MDGA2: variants seen among roughly 807,000 people sequenced by gnomAD.
The protein encoded by MDGA2 is MAM domain containing glycosylphosphatidylinositol anchor 2.
In MDGA2, 40 loss-of-function variants were observed where a neutral mutation model predicts 117.8. The ratio of observed to expected loss-of-function variants is 0.34; its 90% CI spans 0.26 to 0.44. MDGA2 has a LOEUF of 0.44. Ranked by LOEUF, MDGA2 falls within the 20% of genes least tolerant of loss-of-function variation. The pLI is 1.00. For synonymous variants in MDGA2, 452 were observed against 439.0 expected (o/e 1.03, Z -0.37); for missense variants, 1,123 against 1,250.6 (o/e 0.90, Z 1.54).
intron 3 of MDGA2, among the ~76,000 whole-genome samples, chr14:47,205,049 A>G (rs1885632999): frequency 1.3e-5 from 2 of 151,904 alleles, no homozygotes; most frequent in Admixed American, 1.3e-4. Flanking sequence ...CAAATGACAA[A>G]TGATATATAC....
At chr14:47,220,223 CTG>C (rs1886249209) in intron 2 of MDGA2, among the ~76,000 whole-genome samples, 1 of 152,118 alleles carries the variant, frequency 6.6e-6, no homozygotes, top group African/African-American at 2.4e-5. Flanking sequence ...ACATGCCTAA[CTG>C]ATGAGAAAAG....
intron 1 of MDGA2, among the ~76,000 whole-genome samples, chr14:47,554,004 C>T (rs1035056388): frequency 4.6e-5 from 7 of 152,124 alleles, no homozygotes; most frequent in African/African-American, 1.2e-4. Flanking sequence ...CTCCTTTCCC[C>T]GTCCACCCCC....
In MDGA2 at chr14:47,263,896, C is replaced by T. The variant is rs528138350; in HGVS notation, c.420+37515G>A. ...CAATTGAACTCTAAGTTCAAAAACTCCAACAAGCACCAACCAACCTGTGAC... is the reference window on the plus strand; with the variant it reads ...CAATTGAACTCTAAGTTCAAAAACTTCAACAAGCACCAACCAACCTGTGAC... On this transcript the variant is annotated intron_variant, in intron 2 of 16. Coordinates refer to ENST00000399232, the MANE Select transcript of MDGA2 (RefSeq NM_001113498.3). 2.2e-4 allele frequency among the ~76,000 whole-genome samples: 33 copies of T among 152,232 alleles called. No homozygotes were observed. In the South Asian group the frequency reaches 6.4e-3, roughly 30 times the overall value.
At chr14:46,908,099 G>T (rs1489156943) in intron 10 of MDGA2, among the ~76,000 whole-genome samples, 1 of 152,106 alleles carries the variant, frequency 6.6e-6, no homozygotes, top group Non-Finnish European at 1.5e-5. Context: ...AAACCAAAAT[G>T]ATCCTTAAAA....
intron 2 of MDGA2, among the ~76,000 whole-genome samples, chr14:47,245,781 T>C (rs1887216932): frequency 6.6e-6 from 1 of 151,816 alleles, no homozygotes; most frequent in African/African-American, 2.4e-5. Flanking sequence ...CATTACCTAG[T>C]TGGAAATTCA....
intron 6 of MDGA2, among the ~76,000 whole-genome samples, chr14:47,068,832 G>A (rs28377235): frequency 0.12 from 17,523 of 152,052 alleles, 1,306 homozygotes; most frequent in African/African-American, 0.22. Flanking sequence ...AAAATTAGAT[G>A]AGATAATGAG....
intron 1 of MDGA2, among the ~76,000 whole-genome samples, chr14:47,446,464 C>G (rs1432406119): frequency 7.3e-6 from 1 of 136,270 alleles, no homozygotes; most frequent in Non-Finnish European, 1.6e-5. Flanking sequence ...TAGGTTTCCC[C>G]TTCCTTTAGG....
chr14:47,619,998 G>A (rs1328865353), intron 1 of MDGA2, among the ~76,000 whole-genome samples: 2 of 152,168 alleles, frequency 1.3e-5, no homozygotes, highest in Non-Finnish European at 2.9e-5. Context: ...GGCCACCAAA[G>A]AGGCTCCAAT....
chr14:47,103,777 G>A (rs978816951), intron 5 of MDGA2, among the ~76,000 whole-genome samples: 4 of 152,178 alleles, frequency 2.6e-5, no homozygotes, highest in African/African-American at 9.7e-5. Flanking sequence ...TGTTTGCCTG[G>A]CACAGTATCT....
rs527349285 is a variant in MDGA2 at position 47,556,957 on chromosome 14, G to A, written c.280+117560C>T. 2.9e-4 allele frequency among the ~76,000 whole-genome samples: 44 copies of A among 152,266 alleles called. No homozygotes were observed. The South Asian group carries it at 6.4e-3, about 22-fold the overall frequency. On this transcript the variant is annotated intron_variant, in intron 1 of 16. Coordinates refer to ENST00000399232, the MANE Select transcript of MDGA2 (RefSeq NM_001113498.3). ...CCAGTTTGCTAATAAAGAAAAGACT[G>A]AGAGACAAAGTGATTGATCCAAAGA...
In MDGA2 at chr14:47,453,350, T is replaced by C. The variant is rs146368937; in HGVS notation, c.281-151800A>G. Among the ~76,000 whole-genome samples the C allele has an allele frequency of 1.2e-4, 19 of 152,298 alleles. No individual in the cohort carries two copies. The East Asian group carries it at 3.1e-3, about 25-fold the overall frequency. On this transcript the variant is annotated intron_variant, in intron 1 of 16. Coordinates refer to ENST00000399232, the MANE Select transcript of MDGA2 (RefSeq NM_001113498.3). ...AGGGGTGCTGTAGAGTTTCAAAGCA[T>C]ATTAAAGTCTTTTGTCTTTGACAAA...
At chr14:47,155,577 G>A (rs540236760) in intron 3 of MDGA2, among the ~76,000 whole-genome samples, 14 of 152,160 alleles carry the variant, frequency 9.2e-5, no homozygotes, top group East Asian at 2.0e-4. Flanking sequence ...CGCCCATGCC[G>A]GGAGTTGCCC....
chr14:46,943,048 A>G (rs943098058), intron 9 of MDGA2, among the ~76,000 whole-genome samples: 1 of 152,006 alleles, frequency 6.6e-6, no homozygotes, highest in Admixed American at 6.6e-5. Context: ...AGTATTTTTT[A>G]TTTAGGAATT....
intron 8 of MDGA2, among the ~76,000 whole-genome samples, chr14:46,971,716 A>G (rs982383547): frequency 1.3e-5 from 2 of 152,092 alleles, no homozygotes; most frequent in Non-Finnish European, 2.9e-5. Context: ...GTATATAGTT[A>G]AAGAGGTAAA....
chr14:47,030,400 G>T (rs1888620380), intron 8 of MDGA2, among the ~76,000 whole-genome samples: 1 of 151,924 alleles, frequency 6.6e-6, no homozygotes, highest in Admixed American at 6.6e-5. Context: ...TGTAATCCCA[G>T]CTACTTGGGA....
chr14:47,526,501 C>T (rs1594900112), intron 1 of MDGA2, among the ~76,000 whole-genome samples: 1 of 152,102 alleles, frequency 6.6e-6, no homozygotes, highest in African/African-American at 2.4e-5. Context: ...AAAAGGACCA[C>T]TCCACTTTCC....
intron 5 of MDGA2, among the ~76,000 whole-genome samples, chr14:47,104,577 ACT>A (rs1264658643): frequency 1.3e-5 from 2 of 149,428 alleles, no homozygotes; most frequent in East Asian, 2.0e-4. Context: ...CCCTTCGCTG[ACT>A]CTCTTTTCGG....
At chr14:47,014,941 G>A (rs1888028448) in intron 8 of MDGA2, among the ~76,000 whole-genome samples, 1 of 152,082 alleles carries the variant, frequency 6.6e-6, no homozygotes, top group South Asian at 2.1e-4. Context: ...TCCACACTAA[G>A]CTTAATCATT....
intron 1 of MDGA2, among the ~76,000 whole-genome samples, chr14:47,579,980 G>A (rs1408049914): frequency 2.6e-5 from 4 of 152,012 alleles, no homozygotes; most frequent in Non-Finnish European, 5.9e-5. Context: ...GGTTCAAAGA[G>A]GGAGGAATTA....
Sources: gnomAD v4.1 joint callset for allele counts (sites outside exome capture counted in the v4.1 genomes callset) on GRCh38, gnomAD v4.1.1 for gene constraint, MANE v1.5 for transcripts, NCBI Gene and HGNC (gene_info 2026-07-23, HGNC 2026-07-21) for gene names.